Variants in ROBO2 observed in about 807,000 individuals in gnomAD.
The protein encoded by ROBO2 is roundabout homolog 2.
Under a neutral mutation model 160.8 loss-of-function variants are expected in ROBO2, and 53 were observed. The ratio of observed to expected loss-of-function variants is 0.33; its 90% CI spans 0.26 to 0.41. ROBO2 has a LOEUF of 0.41. ROBO2 is among the 10% of genes least tolerant of loss of function. The probability of loss-of-function intolerance (pLI) is 1.00; values close to 1 mark genes in which losing one functional copy is unlikely to be tolerated. For missense variants in ROBO2, 1,577 were observed against 1,722.4 expected (o/e 0.92, Z 1.49); for synonymous variants, 664 against 611.7 (o/e 1.09, Z -1.26).
intron 2 of ROBO2, among the ~76,000 whole-genome samples, chr3:76,727,282 T>G (rs2093566940): frequency 6.6e-6 from 1 of 152,096 alleles, no homozygotes; most frequent in African/African-American, 2.4e-5. Context: ...TAAAATGATC[T>G]TAAGTAAGGA....
rs1440591449 is a variant in ROBO2, at chr3:76,480,025, A to G, written c.109+542423A>G. Among the ~76,000 whole-genome samples the G allele has an allele frequency of 2.4e-5, 3 of 124,962 alleles. No individual in the cohort carries two copies. In the Admixed American group the frequency reaches 2.7e-4, roughly 11 times the overall value. 82.0% of individuals were successfully genotyped at this position (124,962 alleles called of 152,430 possible). ...AAAATACAAAGTAGCTTTTTTAAATAGAAAAAGGAGGAAGAAGGAGGATGA... is the reference window on the plus strand; with the variant it reads ...AAAATACAAAGTAGCTTTTTTAAATGGAAAAAGGAGGAAGAAGGAGGATGA... On this transcript the variant is annotated intron_variant, in intron 2 of 26. Coordinates refer to the ROBO2 transcript ENST00000487694.
At chr3:76,296,476 C>T (rs991753493) in intron 2 of ROBO2, among the ~76,000 whole-genome samples, 5 of 150,848 alleles carry the variant, frequency 3.3e-5, no homozygotes, top group Admixed American at 6.6e-5. Flanking sequence ...CACCAGAGCA[C>T]CTGTTTCAGT....
intron 5 of ROBO2, among the ~76,000 whole-genome samples, chr3:77,510,642 T>G (rs760365202): frequency 2.3e-4 from 35 of 152,108 alleles, no homozygotes; most frequent in Admixed American, 8.5e-4. Context: ...TAAGTTCTTA[T>G]AACAGCCCTG....
At chr3:76,404,143 C>G (rs559985964) in intron 2 of ROBO2, among the ~76,000 whole-genome samples, 3 of 151,724 alleles carry the variant, frequency 2.0e-5, no homozygotes, top group East Asian at 1.9e-4. Flanking sequence ...AATGTAGCAC[C>G]TTCCATCAAG....
At chr3:76,666,974 T>C (rs539728163) in intron 2 of ROBO2, among the ~76,000 whole-genome samples, 15 of 152,180 alleles carry the variant, frequency 9.9e-5, no homozygotes, top group African/African-American at 2.6e-4. Context: ...ATATATGACA[T>C]ATATAACATT....
At chr3:77,043,314 A>C (rs2149631171) in intron 1 of ROBO2, among the ~76,000 whole-genome samples, 1 of 152,312 alleles carries the variant, frequency 6.6e-6, no homozygotes, top group South Asian at 2.1e-4. Context: ...TATACTGACC[A>C]TCCTTGTGCT....
At chr3:76,285,890 T>A (rs763877931) in intron 2 of ROBO2, among the ~76,000 whole-genome samples, 3 of 152,202 alleles carry the variant, frequency 2.0e-5, no homozygotes, top group Non-Finnish European at 4.4e-5. Context: ...TTGTATACAG[T>A]CCTGTTTGAT....
intron 2 of ROBO2, among the ~76,000 whole-genome samples, chr3:76,810,330 TTTTGA>T (rs1207031895): frequency 6.6e-6 from 1 of 152,082 alleles, no homozygotes; most frequent in Non-Finnish European, 1.5e-5. Flanking sequence ...AACCCAAACT[TTTTGA>T]TTATTTATAG....
At chr3:77,312,065 G>A (rs541518406) in intron 2 of ROBO2, among the ~76,000 whole-genome samples, 3 of 151,698 alleles carry the variant, frequency 2.0e-5, no homozygotes, top group East Asian at 3.9e-4. Flanking sequence ...CAGCCTCGGC[G>A]ACACAGCGAG....
intron 2 of ROBO2, among the ~76,000 whole-genome samples, chr3:76,075,129 C>T (rs937912571): frequency 1.3e-5 from 2 of 151,928 alleles, no homozygotes; most frequent in African/African-American, 4.8e-5. Flanking sequence ...GCATGATCTT[C>T]CCGCAGCCTG....
At chr3:77,489,997 T>C (rs916716742) in intron 4 of ROBO2, among the ~76,000 whole-genome samples, 2 of 152,150 alleles carry the variant, frequency 1.3e-5, no homozygotes, top group Admixed American at 1.3e-4. Context: ...AATGGTGGCT[T>C]TGGTTCTTCT....
chr3:76,931,326 C>T (rs548281171), intron 2 of ROBO2, among the ~76,000 whole-genome samples: 1 of 152,056 alleles, frequency 6.6e-6, no homozygotes, highest in Non-Finnish European at 1.5e-5. Flanking sequence ...GAAATATATG[C>T]CACATTGTTA....
intron 2 of ROBO2, among the ~76,000 whole-genome samples, chr3:76,198,129 A>C (rs1702348541): frequency 6.6e-6 from 1 of 152,016 alleles, no homozygotes; most frequent in Non-Finnish European, 1.5e-5. Flanking sequence ...AGGGGAGATC[A>C]GACATACCTC....
intron 1 of ROBO2, among the ~76,000 whole-genome samples, chr3:75,912,643 A>T (rs1034562649): frequency 1.1e-4 from 16 of 152,196 alleles, no homozygotes; most frequent in African/African-American, 3.9e-4. Context: ...TAGCTCCATC[A>T]GATACACGGT....
intron 2 of ROBO2, among the ~76,000 whole-genome samples, chr3:77,303,514 C>T (rs1289078411): frequency 6.6e-6 from 1 of 152,100 alleles, no homozygotes; most frequent in African/African-American, 2.4e-5. Context: ...TTAAGAGCAT[C>T]TACTGTGTGG....
chr3:76,599,445 A>G (rs550935166), intron 2 of ROBO2, among the ~76,000 whole-genome samples: 2 of 152,246 alleles, frequency 1.3e-5, no homozygotes, highest in South Asian at 4.1e-4. Context: ...TAGTGTATAC[A>G]TACCACATTT....
At chr3:76,182,756 C>A (rs770499769) in intron 2 of ROBO2, among the ~76,000 whole-genome samples, 4 of 152,128 alleles carry the variant, frequency 2.6e-5, no homozygotes, top group African/African-American at 4.8e-5. Context: ...CCTTGGACTG[C>A]ATACTCTTCC....
At chr3:76,842,147 A>C (rs1167801762) in intron 2 of ROBO2, among the ~76,000 whole-genome samples, 1 of 152,240 alleles carries the variant, frequency 6.6e-6, no homozygotes, top group Non-Finnish European at 1.5e-5. Context: ...AAAACACTGC[A>C]TAGACAATAG....
chr3:77,225,982 C>T (rs940032701), intron 2 of ROBO2, among the ~76,000 whole-genome samples: 1 of 151,924 alleles, frequency 6.6e-6, no homozygotes, highest in Non-Finnish European at 1.5e-5. Flanking sequence ...TCATGAGACT[C>T]ATGTAAGCAT....
Sources: gnomAD v4.1 joint callset for allele counts (sites outside exome capture counted in the v4.1 genomes callset) on GRCh38, gnomAD v4.1.1 for gene constraint, MANE v1.5 for transcripts, NCBI Gene and HGNC (gene_info 2026-07-23, HGNC 2026-07-21) for gene names.